IPO11: variants seen among roughly 807,000 people sequenced by gnomAD.
IPO11 encodes importin 11, also known as importin-11.
IPO11 carries 66 observed loss-of-function variants against 143.2 expected under a neutral mutation model. The observed-to-expected ratio is 0.46, with a 90% CI of 0.38 to 0.57. IPO11 has a LOEUF of 0.57. IPO11 is among the 20% of genes least tolerant of loss of function. IPO11 has a pLI of 0.00. For missense variants in IPO11, 1,026 were observed against 1,141.0 expected, an observed-to-expected ratio of 0.90 and a Z score of 1.45; for synonymous variants, 385 against 377.8, an observed-to-expected ratio of 1.02 and a Z score of -0.22.
rs189301418 is a variant in IPO11 at position 62,583,686 on chromosome 5, C to T, written c.2583-7891C>T. Among the ~76,000 whole-genome samples, 24 of 152,094 alleles carry T rather than the reference C, an allele frequency of 1.6e-4. No individual in the cohort carries two copies. The East Asian group carries it at 1.7e-3, about 11-fold the overall frequency. ...AAATGTTAGCCAGCTCATATTTCAC[C>T]GTTGTTTGGTAGTTGTACAGTTAAA... is the stretch of plus-strand genomic sequence containing the variant. On this transcript the variant is annotated intron_variant, in intron 27 of 29. Coordinates refer to ENST00000325324, the MANE Select transcript of IPO11 (RefSeq NM_016338.5).
At chr5:62,615,187 T>A (rs562382991) in intron 29 of IPO11, among the ~76,000 whole-genome samples, 4 of 152,312 alleles carry the variant, frequency 2.6e-5, no homozygotes, top group Non-Finnish European at 4.4e-5. Flanking sequence ...GCCTCGAGTT[T>A]CCAGGCTTGA....
chr5:62,521,189 A>G (rs1441944460), intron 20 of IPO11, among the ~76,000 whole-genome samples: 1 of 152,096 alleles, frequency 6.6e-6, no homozygotes, highest in African/African-American at 2.4e-5. Context: ...TCTGCGCATC[A>G]TGTCATATCT....
chr5:62,443,203 A>C (rs1744562219), intron 3 of IPO11, 120 bp downstream of exon 3: 1 of 564,788 alleles, frequency 1.8e-6, no homozygotes, highest in Admixed American at 3.6e-5. Context: ...ACATATACTA[A>C]AATTGGAGCA....
intron 7 of IPO11, among the ~76,000 whole-genome samples, chr5:62,471,048 G>T (rs1745755689): frequency 6.6e-6 from 1 of 151,146 alleles, no homozygotes; most frequent in Non-Finnish European, 1.5e-5. Flanking sequence ...GGCTGGTCTT[G>T]AACTCCTGGC....
chr5:62,553,323 A>AGTGTGTGTGTGT (rs3077458), intron 26 of IPO11, among the ~76,000 whole-genome samples: 149 of 119,266 alleles, frequency 1.2e-3, no homozygotes, highest in African/African-American at 4.4e-3. Flanking sequence ...TATTCGTGTG[A>AGTGTGTGTGTGT]GTGTGTGTGT....
intron 26 of IPO11, among the ~76,000 whole-genome samples, chr5:62,552,419 A>G (rs74739677): frequency 0.017 from 2,547 of 151,466 alleles, 67 homozygotes; most frequent in African/African-American, 0.059. Context: ...TAAATAGGGT[A>G]TATTTTTATT....
intron 29 of IPO11, among the ~76,000 whole-genome samples, chr5:62,602,925 T>G (rs951700528): frequency 3.3e-5 from 5 of 152,330 alleles, no homozygotes; most frequent in Middle Eastern, 3.4e-3. Context: ...AGAAATTGGA[T>G]TAGCATATTT....
At chr5:62,566,020 G>C (rs1743926520) in intron 27 of IPO11, among the ~76,000 whole-genome samples, 2 of 152,070 alleles carry the variant, frequency 1.3e-5, no homozygotes, top group Non-Finnish European at 2.9e-5. Flanking sequence ...CCTTTATCCA[G>C]TCTATCACTG....
chr5:62,584,387 C>G (rs1744683106), intron 27 of IPO11, among the ~76,000 whole-genome samples: 1 of 151,934 alleles, frequency 6.6e-6, no homozygotes, highest in African/African-American at 2.4e-5. Flanking sequence ...CACTTGAGCT[C>G]AGGAATTCGA....
intron 5 of IPO11, among the ~76,000 whole-genome samples, chr5:62,463,120 C>A (rs922248739): frequency 5.3e-5 from 8 of 152,112 alleles, no homozygotes; most frequent in Non-Finnish European, 8.8e-5. Flanking sequence ...TAGCTCACTG[C>A]AGCCCTGAAC....
At chr5:62,513,564 G>C (rs1397957345) in intron 19 of IPO11, among the ~76,000 whole-genome samples, 1 of 146,530 alleles carries the variant, frequency 6.8e-6, no homozygotes, top group African/African-American at 2.5e-5. Context: ...CTCCCTCCCG[G>C]ACGGGGCGGC....
intron 18 of IPO11, 22 bp downstream of exon 18, chr5:62,504,920 T>C (rs768192591): frequency 2.8e-6 from 4 of 1,428,668 alleles, no homozygotes; most frequent in Non-Finnish European, 2.9e-6. Context: ...CATTTCCAGG[T>C]ATTTTTTTTA....
intron 27 of IPO11, among the ~76,000 whole-genome samples, chr5:62,571,826 C>T (rs915899423): frequency 2.6e-5 from 4 of 152,040 alleles, no homozygotes; most frequent in Non-Finnish European, 5.9e-5. Flanking sequence ...GCTGGGATCA[C>T]AGGCGCACAC....
intron 16 of IPO11, among the ~76,000 whole-genome samples, chr5:62,496,351 T>C (rs1741157447): frequency 6.6e-6 from 1 of 152,116 alleles, no homozygotes. Flanking sequence ...ACTAATACAT[T>C]AATATTCATA....
intron 27 of IPO11, chr5:62,580,612 C>A (rs1377612687): frequency 1.3e-6 from 2 of 1,551,436 alleles, no homozygotes; most frequent in East Asian, 4.9e-5. Context: ...CCCATCCATG[C>A]GTGGCAGAGC....
chr5:62,496,004 T>G (rs1194516470), intron 16 of IPO11, among the ~76,000 whole-genome samples: 1 of 152,090 alleles, frequency 6.6e-6, no homozygotes, highest in Non-Finnish European at 1.5e-5. Context: ...AAAATGTGCA[T>G]TTGTGGCATG....
intron 1 of IPO11, among the ~76,000 whole-genome samples, chr5:62,414,769 AT>A (rs1428399832): frequency 7.9e-5 from 12 of 152,248 alleles, no homozygotes; most frequent in Non-Finnish European, 1.8e-4. Context: ...GGAATGTTCA[AT>A]AAATCTTGAG....
chr5:62,619,583 G>A (rs147548940), intron 29 of IPO11, among the ~76,000 whole-genome samples: 1 of 152,136 alleles, frequency 6.6e-6, no homozygotes, highest in East Asian at 1.9e-4. Context: ...GCCGGGCGTG[G>A]TGGCTCACGC....
intron 5 of IPO11, among the ~76,000 whole-genome samples, chr5:62,455,584 G>A (rs981648222): frequency 6.6e-6 from 1 of 152,168 alleles, no homozygotes; most frequent in African/African-American, 2.4e-5. Context: ...GTAGTGCACA[G>A]GGTACACTTA....
Sources: gnomAD v4.1 joint callset for allele counts (sites outside exome capture counted in the v4.1 genomes callset) on GRCh38, gnomAD v4.1.1 for gene constraint, MANE v1.5 for transcripts, NCBI Gene and HGNC (gene_info 2026-07-23, HGNC 2026-07-21) for gene names.